The following RYR2 variants were observed in gnomAD, a reference collection of about 807,000 sequenced individuals.
RYR2 encodes the protein ryanodine receptor 2, also known as cardiac muscle ryanodine receptor-calcium release channel.
Under a neutral mutation model 601.1 loss-of-function variants are expected in RYR2, and 227 were observed. The ratio of observed to expected loss-of-function variants is 0.38; its 90% CI spans 0.34 to 0.42. RYR2 has a LOEUF of 0.42. Ranked by LOEUF, RYR2 falls within the 10% of genes least tolerant of loss-of-function variation. RYR2 has a pLI of 1.00. For missense variants in RYR2, 4,646 were observed against 6,156.5 expected (o/e 0.75, Z 8.21); for synonymous variants, 2,223 against 2,175.1 (o/e 1.02, Z -0.61).
chr1:237,645,936 G>A (rs1165344466), intron 48 of RYR2, among the ~76,000 whole-genome samples: 1 of 150,516 alleles, frequency 6.6e-6, no homozygotes, highest in Non-Finnish European at 1.5e-5. Flanking sequence ...GAATGCAGTG[G>A]CGCAGTCTTG....
chr1:237,581,235 G>A (rs936647819), intron 29 of RYR2, among the ~76,000 whole-genome samples: 11 of 152,146 alleles, frequency 7.2e-5, no homozygotes, highest in South Asian at 4.1e-4. Context: ...CTGTGGATAC[G>A]TATCTTGTGT....
chr1:237,390,025 G>A (rs1702250836), intron 10 of RYR2, among the ~76,000 whole-genome samples: 1 of 152,146 alleles, frequency 6.6e-6, no homozygotes, highest in African/African-American at 2.4e-5. Context: ...CTGATGTTTA[G>A]GATGTGGGCA....
intron 1 of RYR2, among the ~76,000 whole-genome samples, chr1:237,135,801 A>C (rs16834881): frequency 0.017 from 2,589 of 152,354 alleles, 73 homozygotes; most frequent in African/African-American, 0.059. Context: ...ATCTATGTGG[A>C]TACCTCTAGA....
intron 34 of RYR2, 52 bp downstream of exon 34, chr1:237,595,709 C>T (rs184756708): frequency 1.3e-6 from 2 of 1,544,908 alleles, no homozygotes; most frequent in Admixed American, 4.4e-5. Flanking sequence ...CTTCTTTCCC[C>T]CATTAAAGGA....
chr1:237,420,186 A>G (rs1705410964), intron 11 of RYR2, among the ~76,000 whole-genome samples: 1 of 152,232 alleles, frequency 6.6e-6, no homozygotes, highest in Non-Finnish European at 1.5e-5. Context: ...TAAATTGAAT[A>G]GAAAATGCTC....
intron 79 of RYR2, among the ~76,000 whole-genome samples, chr1:237,734,364 A>G (rs928731046): frequency 5.9e-5 from 9 of 152,158 alleles, no homozygotes; most frequent in Non-Finnish European, 1.3e-4. Flanking sequence ...GAACTCACTC[A>G]CTATCGTGAG....
chr1:237,712,395 T>C (rs961039859), intron 71 of RYR2, among the ~76,000 whole-genome samples: 1 of 151,866 alleles, frequency 6.6e-6, no homozygotes, highest in Non-Finnish European at 1.5e-5. Context: ...TTGGTTGACT[T>C]GTATATGAAA....
At chr1:237,628,489 C>T (rs1035034745) in intron 41 of RYR2, among the ~76,000 whole-genome samples, 15 of 150,838 alleles carry the variant, frequency 9.9e-5, no homozygotes, top group African/African-American at 2.5e-4. Flanking sequence ...TTTGTTCTTG[C>T]GATAGTTTAC....
chr1:237,247,321 T>C (rs1204007894), intron 1 of RYR2, among the ~76,000 whole-genome samples: 3 of 152,224 alleles, frequency 2.0e-5, no homozygotes, highest in African/African-American at 7.2e-5. Flanking sequence ...TTCTTGTCAT[T>C]TCCTTTTGCT....
chr1:237,728,829 T>C lies in RYR2; in HGVS notation c.10839-1431T>C, dbSNP rs535668431. Among the ~76,000 whole-genome samples the C allele has an allele frequency of 2.6e-5, 4 of 152,020 alleles. No homozygotes were observed. The East Asian group carries it at 7.8e-4, about 30-fold the overall frequency. On this transcript the variant is annotated intron_variant, in intron 76 of 104. Coordinates refer to ENST00000366574, the MANE Select transcript of RYR2 (RefSeq NM_001035.3). ...GGAGAGTATTAAGACAAATACCTAA[T>C]GCATATGGGGCTTAAAACCTAGAAG...
intron 2 of RYR2, among the ~76,000 whole-genome samples, chr1:237,280,781 GTT>G (rs35115328): frequency 7.0e-6 from 1 of 143,658 alleles, no homozygotes; most frequent in South Asian, 2.2e-4. Flanking sequence ...CTTCTTACTG[GTT>G]TTTTTTTTTT....
At chr1:237,241,965 T>C (rs976743311) in intron 1 of RYR2, among the ~76,000 whole-genome samples, 9 of 152,158 alleles carry the variant, frequency 5.9e-5, no homozygotes, top group African/African-American at 2.2e-4. Context: ...CATCCTATTG[T>C]ATTAGCAGGG....
intron 1 of RYR2, among the ~76,000 whole-genome samples, chr1:237,178,897 G>A (rs1678387543): frequency 6.6e-6 from 1 of 152,110 alleles, no homozygotes; most frequent in Non-Finnish European, 1.5e-5. Context: ...ACTATGTGGT[G>A]TGAGATAGAT....
intron 20 of RYR2, among the ~76,000 whole-genome samples, 179 bp downstream of exon 20, chr1:237,496,931 G>A (rs1033603141): frequency 3.9e-5 from 6 of 152,278 alleles, no homozygotes; most frequent in South Asian, 4.2e-4. Context: ...AGGGGAAAAA[G>A]AAAATACTTA....
At chr1:237,300,136 A>G (rs146058374) in intron 2 of RYR2, among the ~76,000 whole-genome samples, 34 of 152,290 alleles carry the variant, frequency 2.2e-4, no homozygotes, top group African/African-American at 7.0e-4. Flanking sequence ...TTCATTTTCC[A>G]TGGGTCTAAT....
At chr1:237,687,370 T>TTTTTTTTTTTTTTTTTTTTTTTTC in intron 62 of RYR2, 85 bp from the exon 63 acceptor site, 1 of 612,568 alleles carries the variant, frequency 1.6e-6, no homozygotes, top group Non-Finnish European at 2.7e-6. Flanking sequence ...CTTCTTCTTT[T>TTTTTTTTTTTTTTTTTTTTTTTTC]TTTTTTTTTT....
At chr1:237,767,103 A>G (rs1693906489) in intron 84 of RYR2, among the ~76,000 whole-genome samples, 1 of 152,206 alleles carries the variant, frequency 6.6e-6, no homozygotes, top group African/African-American at 2.4e-5. Context: ...GGAGTTGAGG[A>G]GTTTGTTCAT....
At chr1:237,092,558 G>C (rs1667087139) in intron 1 of RYR2, among the ~76,000 whole-genome samples, 1 of 128,826 alleles carries the variant, frequency 7.8e-6, no homozygotes, top group South Asian at 2.4e-4. Flanking sequence ...GAGTCTCACT[G>C]TCTCTCTGTT....
At chr1:237,653,591 A>G (rs1265392583) in intron 51 of RYR2, among the ~76,000 whole-genome samples, 2 of 152,178 alleles carry the variant, frequency 1.3e-5, no homozygotes, top group Non-Finnish European at 2.9e-5. Context: ...CTCTAGAGGG[A>G]CAGAACTAAT....
Sources: gnomAD v4.1 joint callset for allele counts (sites outside exome capture counted in the v4.1 genomes callset) on GRCh38, gnomAD v4.1.1 for gene constraint, MANE v1.5 for transcripts, NCBI Gene and HGNC (gene_info 2026-07-23, HGNC 2026-07-21) for gene names.